Variants in DLG2 observed in about 807,000 individuals in gnomAD.
DLG2 encodes disks large homolog 2.
Under a neutral mutation model 132.5 loss-of-function variants are expected in DLG2, and 45 were observed. The observed-to-expected ratio is 0.34, with a 90% confidence interval of 0.27 to 0.44. The LOEUF (loss-of-function observed/expected upper bound fraction) is 0.44. Ranked by LOEUF, DLG2 falls within the 20% of genes least tolerant of loss-of-function variation. DLG2 has a pLI of 1.00. For synonymous variants in DLG2, 424 were observed against 419.6 expected, an observed-to-expected ratio of 1.01 and a Z score of -0.13; for missense variants, 1,045 against 1,196.9, an observed-to-expected ratio of 0.87 and a Z score of 1.87.
Position 84,524,600 on chromosome 11 carries a change from T to C in DLG2, c.519+9970A>G, listed in dbSNP as rs561283973. The stretch of plus-strand genomic sequence containing the variant: ...TCTAATTTAGCTTCACAAATCTGTT[T>C]CTTCCTCAAGACTAGATGCTTCCAG... On this transcript the variant is annotated intron_variant, in intron 7 of 27. Transcript: ENST00000376104. Among the ~76,000 whole-genome samples, 3 of 152,336 alleles carry C rather than the reference T, an allele frequency of 2.0e-5. No homozygotes were observed. In the East Asian group the frequency reaches 5.8e-4, roughly 29 times the overall value.
At chr11:84,469,646 A>C (rs1303108411) in intron 7 of DLG2, among the ~76,000 whole-genome samples, 1 of 151,628 alleles carries the variant, frequency 6.6e-6, no homozygotes, top group Non-Finnish European at 1.5e-5. Context: ...TGATTTTCTA[A>C]CTTATCTTCC....
chr11:84,006,354 A>G (rs1289893692), intron 11 of DLG2, among the ~76,000 whole-genome samples: 2 of 151,664 alleles, frequency 1.3e-5, no homozygotes, highest in African/African-American at 2.4e-5. Context: ...GATGAAACGT[A>G]TAAGTTCTAT....
chr11:85,590,536 A>G (rs1415450118), intron 3 of DLG2, among the ~76,000 whole-genome samples: 1 of 152,116 alleles, frequency 6.6e-6, no homozygotes, highest in Admixed American at 6.6e-5. Flanking sequence ...AGTAAAACAT[A>G]TTCTATATTG....
At chr11:85,151,103 A>G (rs900237861) in intron 5 of DLG2, among the ~76,000 whole-genome samples, 1 of 152,072 alleles carries the variant, frequency 6.6e-6, no homozygotes, top group Non-Finnish European at 1.5e-5. Context: ...TTTGATTGGC[A>G]TTTCCCTCAT....
intron 3 of DLG2, among the ~76,000 whole-genome samples, chr11:85,404,379 C>T (rs2088507528): frequency 6.6e-6 from 1 of 151,904 alleles, no homozygotes; most frequent in African/African-American, 2.4e-5. Context: ...TTAAAAGGAA[C>T]AAGAATTAAT....
intron 3 of DLG2, among the ~76,000 whole-genome samples, chr11:85,588,834 AT>A (rs2079125842): frequency 6.6e-6 from 1 of 152,146 alleles, no homozygotes; most frequent in African/African-American, 2.4e-5. Context: ...AAGGGCTGCT[AT>A]TTAGATTCTT....
intron 16 of DLG2, among the ~76,000 whole-genome samples, chr11:83,863,938 T>C (rs1400963745): frequency 4.6e-5 from 7 of 152,178 alleles, no homozygotes; most frequent in Admixed American, 1.3e-4. Context: ...TCAGGCAACA[T>C]TGATATTGAA....
At chr11:83,694,994 A>T (rs768435404) in intron 18 of DLG2, among the ~76,000 whole-genome samples, 2 of 152,212 alleles carry the variant, frequency 1.3e-5, no homozygotes, top group African/African-American at 4.8e-5. Flanking sequence ...ATGCTGATAC[A>T]TTATCCCATG....
chr11:84,311,454 A>C (rs1024247495), intron 7 of DLG2, among the ~76,000 whole-genome samples: 14 of 152,316 alleles, frequency 9.2e-5, no homozygotes, highest in South Asian at 2.1e-4. Flanking sequence ...AGGCTTAGAG[A>C]GGTTAAGCAA....
chr11:85,423,673 G>A (rs185363889), intron 3 of DLG2, among the ~76,000 whole-genome samples: 1 of 152,116 alleles, frequency 6.6e-6, no homozygotes, highest in Non-Finnish European at 1.5e-5. Context: ...GATTATGACT[G>A]TCTCTACTGT....
chr11:85,132,962 A>G (rs910933466), intron 5 of DLG2: 5 of 384,628 alleles, frequency 1.3e-5, no homozygotes, highest in African/African-American at 2.1e-5. Flanking sequence ...CCTCCTCCAT[A>G]CAGCTCAAGG....
intron 6 of DLG2, among the ~76,000 whole-genome samples, chr11:84,635,765 G>C (rs562645223): frequency 8.5e-5 from 13 of 152,094 alleles, no homozygotes; most frequent in Non-Finnish European, 1.5e-4. Context: ...AAAGCTGAGA[G>C]AAGTTAAGAA....
chr11:84,948,545 A>G (rs1308033096), intron 6 of DLG2, among the ~76,000 whole-genome samples: 1 of 152,206 alleles, frequency 6.6e-6, no homozygotes, highest in Non-Finnish European at 1.5e-5. Flanking sequence ...TTTGTCATCT[A>G]AATGCCCAGT....
intron 3 of DLG2, among the ~76,000 whole-genome samples, chr11:85,332,581 A>T (rs2081838606): frequency 6.6e-6 from 1 of 152,162 alleles, no homozygotes. Flanking sequence ...GAGGTTTTAT[A>T]GTTTTAGATC....
chr11:84,903,084 G>C (rs1460737924), intron 6 of DLG2, among the ~76,000 whole-genome samples: 1 of 151,854 alleles, frequency 6.6e-6, no homozygotes, highest in Non-Finnish European at 1.5e-5. Context: ...CAACTCTCCT[G>C]TGAAAATGGT....
intron 7 of DLG2, among the ~76,000 whole-genome samples, chr11:84,525,884 C>A (rs184201344): frequency 6.6e-6 from 1 of 152,240 alleles, no homozygotes; most frequent in East Asian, 1.9e-4. Flanking sequence ...TACTGTTACA[C>A]AACTGCTAGA....
intron 7 of DLG2, among the ~76,000 whole-genome samples, chr11:84,432,580 T>G (rs978956186): frequency 6.6e-6 from 1 of 152,206 alleles, no homozygotes. Flanking sequence ...GCCCCTTATA[T>G]TCTACTAAGA....
intron 7 of DLG2, among the ~76,000 whole-genome samples, chr11:84,351,300 T>A (rs547171203): frequency 6.6e-6 from 1 of 152,284 alleles, no homozygotes; most frequent in South Asian, 2.1e-4. Flanking sequence ...CCTGACTTCA[T>A]CTGTTTTTCA....
At chr11:84,578,779 A>G (rs1003338382) in intron 6 of DLG2, among the ~76,000 whole-genome samples, 3 of 152,124 alleles carry the variant, frequency 2.0e-5, no homozygotes, top group Admixed American at 6.5e-5. Context: ...CTGGTTTTGG[A>G]ATGCGAAGAC....
Sources: allele counts gnomAD v4.1 joint callset (sites outside exome capture counted in the v4.1 genomes callset), GRCh38; gene constraint gnomAD v4.1.1; transcripts MANE v1.5; gene names NCBI Gene and HGNC (gene_info 2026-07-23, HGNC 2026-07-21).